The following ZFHX3 variants were observed in gnomAD, a reference collection of about 807,000 sequenced individuals.
ZFHX3 encodes the protein zinc finger homeobox 3.
In ZFHX3, 42 loss-of-function variants were observed where a neutral mutation model predicts 279.1. That is an observed-to-expected ratio of 0.15 (90% CI 0.12 to 0.19). The LOEUF is 0.19. ZFHX3 is among the 10% of genes least tolerant of loss of function. The pLI is 1.00. For missense variants in ZFHX3, 4,981 were observed against 4,754.0 expected (o/e 1.05, Z -1.40); for synonymous variants, 2,293 against 1,957.8 (o/e 1.17, Z -4.52).
exon 1 of ZFHX3, chr16:73,058,732 T>C (rs1965629807): frequency 1.5e-5 from 2 of 133,554 alleles, no homozygotes; most frequent in African/African-American, 3.1e-5. Context: ...GCGGCGGAGC[T>C]GGAGCGCGCT....
rs541643115 is a variant in ZFHX3 at position 72,958,193 on chromosome 16, G to A, written c.1953C>T (p.Ser651=). ...TCATGTGGCCGCCCAGCGAGCGGGA[G>A]GAGCCCAGGACCGTGTCGCATTTGG... ...ECPKCDTVLG[S]SRSLGGHMTM... The change falls in exon 2 of 10, where the codon TCC becomes TCT. Residue 651 remains serine, a synonymous_variant. Transcript: ENST00000268489. The A allele has an allele frequency of 1.7e-5, 28 of 1,613,352 alleles. 1 individual carries two copies. The Admixed American group carries it at 2.0e-4, about 12-fold the overall frequency.
chr16:73,711,720 T>G (rs1033544830), intron 1 of ZFHX3, among the ~76,000 whole-genome samples: 1 of 152,194 alleles, frequency 6.6e-6, no homozygotes, highest in African/African-American at 2.4e-5. Flanking sequence ...GAAACAATAA[T>G]TATTTTCAGA....
intron 6 of ZFHX3, among the ~76,000 whole-genome samples, chr16:73,132,882 G>GT (rs1394011974): frequency 6.6e-6 from 1 of 152,136 alleles, no homozygotes. Flanking sequence ...TCTCCCTCTC[G>GT]TCTTCGTCAG....
At chr16:72,820,274 G>C (rs1328042562) in intron 5 of ZFHX3, among the ~76,000 whole-genome samples, 1 of 152,158 alleles carries the variant, frequency 6.6e-6, no homozygotes, top group African/African-American at 2.4e-5. Context: ...GAAAAATAGT[G>C]CTAAGCCCTA....
chr16:73,852,922 C>A (rs565940739), intron 1 of ZFHX3, among the ~76,000 whole-genome samples: 1 of 152,108 alleles, frequency 6.6e-6, no homozygotes, highest in Non-Finnish European at 1.5e-5. Context: ...TGACACAGGA[C>A]TAACATCCAG....
chr16:73,332,415 A>G (rs942620242), intron 3 of ZFHX3, among the ~76,000 whole-genome samples: 4 of 152,220 alleles, frequency 2.6e-5, no homozygotes, highest in Non-Finnish European at 5.9e-5. Context: ...AGGATGCCCA[A>G]CTTGGCCATG....
chr16:73,551,437 T>C (rs538181594), intron 2 of ZFHX3, among the ~76,000 whole-genome samples: 19 of 152,294 alleles, frequency 1.2e-4, no homozygotes, highest in African/African-American at 4.6e-4. Context: ...GATAATCTAG[T>C]TACCAAACTA....
intron 1 of ZFHX3, among the ~76,000 whole-genome samples, chr16:73,704,582 C>T (rs1454992011): frequency 4.6e-5 from 7 of 152,168 alleles, no homozygotes; most frequent in African/African-American, 1.7e-4. Flanking sequence ...CCTGCCTTGT[C>T]ATTTACCCTT....
At chr16:72,968,254 A>C (rs554670478) in intron 1 of ZFHX3, among the ~76,000 whole-genome samples, 1 of 152,136 alleles carries the variant, frequency 6.6e-6, no homozygotes, top group Non-Finnish European at 1.5e-5. Context: ...AGAATGTCCT[A>C]TGCTTTTTAG....
At chr16:73,717,368 T>G (rs956081765) in intron 1 of ZFHX3, among the ~76,000 whole-genome samples, 4 of 151,868 alleles carry the variant, frequency 2.6e-5, no homozygotes. Context: ...TTTGACTTAT[T>G]CCCTTTGTGC....
chr16:73,251,898 T>C (rs1318161787), intron 5 of ZFHX3, among the ~76,000 whole-genome samples: 12 of 57,756 alleles, frequency 2.1e-4, no homozygotes, highest in African/African-American at 1.1e-3. Flanking sequence ...ACACACACCA[T>C]GCACACACAC....
chr16:73,366,143 G>A (rs1025729872), intron 3 of ZFHX3, among the ~76,000 whole-genome samples: 2 of 152,156 alleles, frequency 1.3e-5, no homozygotes, highest in Non-Finnish European at 2.9e-5. Flanking sequence ...GAATGGAAAA[G>A]GTTTGGCAGC....
chr16:73,021,633 C>T (rs993319695), intron 1 of ZFHX3, among the ~76,000 whole-genome samples: 1 of 151,516 alleles, frequency 6.6e-6, no homozygotes, highest in African/African-American at 2.4e-5. Flanking sequence ...GAGTTTGAGA[C>T]CAGCCTGGCC....
At chr16:72,837,067 G>C (rs926249878) in intron 4 of ZFHX3, among the ~76,000 whole-genome samples, 3 of 152,308 alleles carry the variant, frequency 2.0e-5, no homozygotes, top group African/African-American at 7.2e-5. Context: ...CACTCCTGCG[G>C]GCCTCTAGAA....
chr16:73,261,769 G>A (rs1383081642), intron 4 of ZFHX3, among the ~76,000 whole-genome samples: 7 of 144,532 alleles, frequency 4.8e-5, no homozygotes, highest in Admixed American at 2.9e-4. Context: ...TCCGCCTCCC[G>A]GGTTCAAGTG....
intron 1 of ZFHX3, among the ~76,000 whole-genome samples, chr16:73,726,271 G>A (rs978146548): frequency 2.6e-5 from 4 of 152,190 alleles, no homozygotes; most frequent in Admixed American, 2.0e-4. Context: ...GTGTAACAAA[G>A]TGCGAGTCTC....
chr16:73,124,501 T>A (rs1276128694), intron 7 of ZFHX3, among the ~76,000 whole-genome samples: 1 of 152,170 alleles, frequency 6.6e-6, no homozygotes. Context: ...CTAGAGCGAT[T>A]CAGAGTGCGG....
At chr16:73,248,668 C>G (rs533181362) in intron 5 of ZFHX3, among the ~76,000 whole-genome samples, 1 of 125,034 alleles carries the variant, frequency 8.0e-6, no homozygotes, top group Non-Finnish European at 1.6e-5. Flanking sequence ...TGTGTGTGCA[C>G]GTGCACGTGT....
chr16:73,699,839 G>C (rs903648190), intron 1 of ZFHX3, among the ~76,000 whole-genome samples: 2 of 152,136 alleles, frequency 1.3e-5, no homozygotes, highest in African/African-American at 2.4e-5. Context: ...CCTCAAGTTT[G>C]GGAGACAGAA....
Sources: gnomAD v4.1 joint callset for allele counts (sites outside exome capture counted in the v4.1 genomes callset) on GRCh38, gnomAD v4.1.1 for gene constraint, MANE v1.5 for transcripts, NCBI Gene and HGNC (gene_info 2026-07-23, HGNC 2026-07-21) for gene names.